SOBP: variants seen among roughly 807,000 people sequenced by gnomAD.
SOBP encodes sine oculis-binding protein homolog.
Under a neutral mutation model 53.6 loss-of-function variants are expected in SOBP, and 4 were observed. That is an observed-to-expected ratio of 0.07 (90% CI 0.04 to 0.17). SOBP has a LOEUF of 0.17. Among genes scored for constraint, SOBP ranks in the 10% least tolerant of loss-of-function variants. The pLI, the probability that SOBP is intolerant of heterozygous loss-of-function variation, is 1.00. For synonymous variants in SOBP, 584 were observed against 522.6 expected (o/e 1.12, Z -1.60); for missense variants, 1,088 against 1,204.7 (o/e 0.90, Z 1.43).
At chr6:107,585,469 T>C (rs933222973) in intron 4 of SOBP, among the ~76,000 whole-genome samples, 6 of 152,220 alleles carry the variant, frequency 3.9e-5, no homozygotes, top group African/African-American at 1.4e-4. Context: ...GTTGTTCCGA[T>C]GCAGTAAGAA....
chr6:107,614,188 G>A (rs1279239253), intron 5 of SOBP, among the ~76,000 whole-genome samples: 1 of 152,146 alleles, frequency 6.6e-6, no homozygotes, highest in East Asian at 1.9e-4. Flanking sequence ...GATCACTTGA[G>A]GCCAAGAATT....
intron 5 of SOBP, among the ~76,000 whole-genome samples, chr6:107,608,298 A>T (rs1300052724): frequency 6.6e-6 from 1 of 152,058 alleles, no homozygotes; most frequent in Non-Finnish European, 1.5e-5. Context: ...CTCGTTGGTG[A>T]TGTATGGACT....
At chr6:107,576,121 G>C (rs75629027) in intron 4 of SOBP, among the ~76,000 whole-genome samples, 11,899 of 152,268 alleles carry the variant, frequency 0.078, 598 homozygotes, top group East Asian at 0.16. Context: ...AACAGGTCAA[G>C]TGGCATGTGG....
At chr6:107,616,453 T>A (rs2115111266) in intron 5 of SOBP, among the ~76,000 whole-genome samples, 1 of 152,362 alleles carries the variant, frequency 6.6e-6, no homozygotes, top group East Asian at 1.9e-4. Context: ...AAGATTTTCT[T>A]GGGACTTTCA....
chr6:107,610,179 G>A (rs1308679141), intron 5 of SOBP, among the ~76,000 whole-genome samples: 3 of 152,142 alleles, frequency 2.0e-5, no homozygotes, highest in South Asian at 2.1e-4. Flanking sequence ...GAGGAGCTGC[G>A]AGTAGAAGGG....
intron 2 of SOBP, 118 bp from the exon 3 acceptor site, chr6:107,506,124 A>G: frequency 2.3e-6 from 2 of 877,492 alleles, no homozygotes; most frequent in Non-Finnish European, 3.7e-6. Flanking sequence ...TTGTTTAAAG[A>G]TTTGCAAGAA....
At chr6:107,646,716 CTT>C (rs1417192238) in intron 6 of SOBP, among the ~76,000 whole-genome samples, 1 of 152,232 alleles carries the variant, frequency 6.6e-6, no homozygotes, top group Non-Finnish European at 1.5e-5. Flanking sequence ...GTCCTCTTCT[CTT>C]TTTTGACTTT....
intron 4 of SOBP, among the ~76,000 whole-genome samples, chr6:107,578,007 A>G (rs1785285968): frequency 6.6e-6 from 1 of 150,474 alleles, no homozygotes; most frequent in Non-Finnish European, 1.5e-5. Context: ...CGGGGAGGCG[A>G]AGCTTGCAGT....
chr6:107,607,315 A>C (rs1304987971), intron 5 of SOBP, among the ~76,000 whole-genome samples: 1 of 152,170 alleles, frequency 6.6e-6, no homozygotes, highest in Non-Finnish European at 1.5e-5. Context: ...GTGGACAGTA[A>C]CTTAAAGGAT....
At chr6:107,562,860 T>C (rs995934615) in intron 4 of SOBP, among the ~76,000 whole-genome samples, 2 of 152,062 alleles carry the variant, frequency 1.3e-5, no homozygotes, top group Admixed American at 1.3e-4. Context: ...GAATTTTCAG[T>C]AAGAAAAAAA....
chr6:107,634,912 T>C lies in SOBP; in HGVS notation c.2068T>C (p.Cys690Arg). The C allele has an allele frequency of 8.1e-7, 1 of 1,227,446 alleles. No homozygotes were observed. 76.0% of individuals were successfully genotyped at this position (1,227,446 alleles called of 1,614,324 possible). Residue 690 changes from cysteine to arginine, a missense_variant, in exon 6 of 7, where the codon TGC becomes CGC. Around this residue, in one of 6 missense-constraint regions of SOBP, gnomAD observed 665 missense variants for 629.7 expected, o/e 1.06. Transcript: ENST00000317357. The surrounding 1 kb of genome is among the most constrained non-coding windows in gnomAD (Gnocchi z 4.5). The stretch of plus-strand genomic sequence containing the variant: ...GCCGAGCGCCGCGGAGCGCAGGACC[T>C]GCGGCGGCTGCAGGGACGGCCACTG... The part of the protein sequence containing the change: ...REPSAAERRT[C>R]GGCRDGHCSP...
At chr6:107,628,446 C>CA (rs1199467939) in intron 5 of SOBP, among the ~76,000 whole-genome samples, 3 of 152,120 alleles carry the variant, frequency 2.0e-5, no homozygotes, top group African/African-American at 4.8e-5. Context: ...TGTTTTATCT[C>CA]AAAGACACAC....
At chr6:107,562,210 G>T (rs778862143) in intron 4 of SOBP, among the ~76,000 whole-genome samples, 109 of 151,804 alleles carry the variant, frequency 7.2e-4, no homozygotes, top group Non-Finnish European at 1.3e-3. Context: ...GTAGAGATGG[G>T]GTTTTACCAT....
Position 107,503,761 on chromosome 6 carries a change from T to C in SOBP, c.201T>C (p.Asp67=). 1 of 1,614,144 alleles carries C rather than the reference T, an allele frequency of 6.2e-7. No homozygotes were observed. Among genetic ancestry groups the C allele is most frequent in the Non-Finnish European group, 8.5e-7 (1 of 1,180,010 alleles). The part of the protein sequence containing the change: ...EDIEFRSYPT[D]GESRQHISVL... Reference sequence around the variant, plus strand: ...TTGAATTCAGGAGCTACCCTACAGATGGGGAGAGCCGGCAGCACATTTCTG... The same window carrying C: ...TTGAATTCAGGAGCTACCCTACAGACGGGGAGAGCCGGCAGCACATTTCTG... Residue 67 remains aspartate, a synonymous_variant, in exon 2 of 7, where the codon GAT becomes GAC. Coordinates refer to ENST00000317357, the MANE Select transcript of SOBP (RefSeq NM_018013.4).
At chr6:107,621,349 T>C (rs1349635880) in intron 5 of SOBP, among the ~76,000 whole-genome samples, 5 of 152,346 alleles carry the variant, frequency 3.3e-5, no homozygotes, top group Non-Finnish European at 5.9e-5. Context: ...TTGTTGAGCA[T>C]TGGTTTTCAA....
chr6:107,620,014 TC>T (rs1209579582), intron 5 of SOBP, among the ~76,000 whole-genome samples: 1 of 152,192 alleles, frequency 6.6e-6, no homozygotes, highest in African/African-American at 2.4e-5. Context: ...CTTTTGGTCT[TC>T]CTAAAGTTAT....
rs1782541330 is a variant in SOBP, at chr6:107,490,305, G to A, written c.-312G>A. 6.6e-6 allele frequency: 1 copy of A among 152,634 alleles called. No homozygotes were observed. Among genetic ancestry groups the A allele is most frequent in the Non-Finnish European group, 1.4e-5 (1 of 70,400 alleles). The allele number at this position is 152,634 out of a possible 1,614,324, so 9.5% of individuals were successfully genotyped here. On this transcript the variant is annotated 5_prime_UTR_variant, in exon 1 of 7. Transcript: ENST00000317357. Reference sequence around the variant, plus strand: ...AGCGGCAGCGAGGGCGGCAGGGGCAGCGGCAGCAGCGGCGGCGTTGGCTGC... The same window carrying A: ...AGCGGCAGCGAGGGCGGCAGGGGCAACGGCAGCAGCGGCGGCGTTGGCTGC...
intron 4 of SOBP, among the ~76,000 whole-genome samples, chr6:107,560,334 G>A (rs546217189): frequency 6.6e-6 from 1 of 152,138 alleles, no homozygotes; most frequent in East Asian, 1.9e-4. Flanking sequence ...ACAGGGGTCT[G>A]TTACAGGACT....
chr6:107,559,384 A>AT (rs1238598379), intron 4 of SOBP, among the ~76,000 whole-genome samples: 1 of 152,180 alleles, frequency 6.6e-6, no homozygotes, highest in Admixed American at 6.5e-5. Context: ...TGACCAGCAT[A>AT]TTTTTCTCCC....
Sources: allele counts gnomAD v4.1 joint callset (sites outside exome capture counted in the v4.1 genomes callset), GRCh38; gene constraint gnomAD v4.1.1; regional missense constraint gnomAD v4.1.1; non-coding constraint Gnocchi (gnomAD v3.1); transcripts MANE v1.5; gene names NCBI Gene and HGNC (gene_info 2026-07-23, HGNC 2026-07-21).